Variants in WDR27 observed in about 807,000 individuals in gnomAD.
WDR27 encodes WD repeat-containing protein 27.
In WDR27, 100 loss-of-function variants were observed where a neutral mutation model predicts 114.4. The ratio of observed to expected loss-of-function variants is 0.87; its 90% confidence interval spans 0.74 to 1.03. The LOEUF (loss-of-function observed/expected upper bound fraction) is 1.03, where lower values mean the gene tolerates loss of function less well. Ranked by LOEUF, WDR27 falls within the 50% of genes least tolerant of loss-of-function variation. WDR27 has a pLI of 0.00. For synonymous variants in WDR27, 449 were observed against 423.1 expected (o/e 1.06, Z -0.75); for missense variants, 1,129 against 1,092.9 (o/e 1.03, Z -0.47).
intron 25 of WDR27, among the ~76,000 whole-genome samples, chr6:169,529,321 G>GGC (rs1795321051): frequency 7.1e-6 from 1 of 139,970 alleles, no homozygotes; most frequent in Non-Finnish European, 1.6e-5. Context: ...GCGGGGGGGG[G>GGC]GGGCAGCTAA....
At chr6:169,695,831 T>C (rs573349073) in intron 1 of WDR27, among the ~76,000 whole-genome samples, 2 of 152,238 alleles carry the variant, frequency 1.3e-5, no homozygotes, top group East Asian at 1.9e-4. Context: ...TTAACTAAGC[T>C]AGAGAGAGAA....
At chr6:169,441,218 T>C in the WDR27 span, among the ~76,000 whole-genome samples, 1 of 151,984 alleles carries the variant, frequency 6.6e-6, no homozygotes, top group East Asian at 1.9e-4. Flanking sequence ...TCAAATGCGG[T>C]CTGGGTCCCT....
intron 22 of WDR27, among the ~76,000 whole-genome samples, chr6:169,612,937 T>C (rs1208231112): frequency 6.6e-6 from 1 of 152,234 alleles, no homozygotes; most frequent in African/African-American, 2.4e-5. Flanking sequence ...GTAAGTTTTA[T>C]TATTGCATTC....
At chr6:169,534,233 G>A (rs1562544869) in intron 25 of WDR27, among the ~76,000 whole-genome samples, 1 of 152,210 alleles carries the variant, frequency 6.6e-6, no homozygotes, top group Non-Finnish European at 1.5e-5. Context: ...TTCCGGGGAC[G>A]AATCCCACTT....
Position 169,457,443 on chromosome 6 carries a change from C to T in WDR27, c.*149G>A. 1.7e-6 allele frequency: 1 copy of T among 605,014 alleles called. No individual in the cohort carries two copies. The allele number at this position is 605,014 out of a possible 1,614,324, so 37.5% of individuals were successfully genotyped here. ...ACATGGCACACACAGAGGGGAGGAG[C>T]TTGCAAACGGGGGAAATCTGAGGCA... is the stretch of plus-strand genomic sequence containing the variant. On this transcript the variant is annotated 3_prime_UTR_variant, in exon 26 of 26. Transcript: ENST00000448612.
chr6:169,589,243 T>C (rs999471789), intron 23 of WDR27, among the ~76,000 whole-genome samples: 1 of 152,178 alleles, frequency 6.6e-6, no homozygotes, highest in Non-Finnish European at 1.5e-5. Flanking sequence ...AATGATAAAA[T>C]ACAGAGGTTA....
intron 18 of WDR27, among the ~76,000 whole-genome samples, chr6:169,638,132 A>T (rs992242891): frequency 7.9e-6 from 1 of 126,656 alleles, no homozygotes; most frequent in Non-Finnish European, 1.6e-5. Flanking sequence ...CTGGCTAACA[A>T]GGTGAAACCC....
the WDR27 span, among the ~76,000 whole-genome samples, chr6:169,436,877 C>T: frequency 6.6e-6 from 1 of 151,898 alleles, no homozygotes; most frequent in East Asian, 1.9e-4. Context: ...CCATAAAAAT[C>T]ATTTTTAGAC....
At chr6:169,588,410 CAT>C (rs1232567583) in intron 23 of WDR27, among the ~76,000 whole-genome samples, 13 of 152,232 alleles carry the variant, frequency 8.5e-5, no homozygotes, top group East Asian at 1.9e-4. Flanking sequence ...GCATTCATGA[CAT>C]ATGTTTTTAA....
intron 24 of WDR27, among the ~76,000 whole-genome samples, chr6:169,577,303 C>T (rs116684764): frequency 0.016 from 2,490 of 152,132 alleles, 68 homozygotes; most frequent in African/African-American, 0.057. Flanking sequence ...AGGCCCGCGC[C>T]GAGGAGGGGG....
intron 25 of WDR27, among the ~76,000 whole-genome samples, chr6:169,536,740 C>T (rs1397603033): frequency 1.3e-5 from 2 of 152,092 alleles, no homozygotes; most frequent in African/African-American, 2.4e-5. Flanking sequence ...TAGGACCCAG[C>T]TTTTCCAATC....
intron 22 of WDR27, among the ~76,000 whole-genome samples, chr6:169,604,589 A>T (rs925094046): frequency 6.6e-6 from 1 of 152,190 alleles, no homozygotes; most frequent in Non-Finnish European, 1.5e-5. Flanking sequence ...ATGCTCCCTA[A>T]TTCATTCTAT....
intron 21 of WDR27, among the ~76,000 whole-genome samples, chr6:169,618,283 T>A (rs1217795670): frequency 6.6e-6 from 1 of 152,220 alleles, no homozygotes; most frequent in Non-Finnish European, 1.5e-5. Context: ...AGCTGTCTAG[T>A]ATTATGTATT....
chr6:169,556,179 G>C (rs938339096), intron 25 of WDR27, among the ~76,000 whole-genome samples: 13 of 152,136 alleles, frequency 8.5e-5, no homozygotes, highest in African/African-American at 2.9e-4. Context: ...AGGAGCCTTG[G>C]GGGCCTCAGG....
chr6:169,631,758 A>G (rs971144300), intron 21 of WDR27, among the ~76,000 whole-genome samples: 3 of 152,180 alleles, frequency 2.0e-5, no homozygotes, highest in Non-Finnish European at 2.9e-5. Context: ...TTATCCAGAA[A>G]AGATGCAGGA....
chr6:169,650,036 T>C (rs1162376141), intron 14 of WDR27, among the ~76,000 whole-genome samples: 1 of 131,586 alleles, frequency 7.6e-6, no homozygotes, highest in African/African-American at 2.9e-5. Context: ...CACACATCCA[T>C]CCCTCATCTC....
At chr6:169,590,733 T>C (rs1805571127) in intron 23 of WDR27, among the ~76,000 whole-genome samples, 1 of 152,218 alleles carries the variant, frequency 6.6e-6, no homozygotes, top group African/African-American at 2.4e-5. Context: ...CACTTCCTCT[T>C]GTAAAGACGT....
intron 14 of WDR27, 96 bp downstream of exon 14, chr6:169,651,834 G>A: frequency 9.4e-7 from 1 of 1,066,682 alleles, no homozygotes; most frequent in South Asian, 1.4e-5. Flanking sequence ...TCCATACTGT[G>A]GCCCTCGGGG....
chr6:169,628,309 T>C (rs1443975877), intron 21 of WDR27, among the ~76,000 whole-genome samples: 1 of 152,188 alleles, frequency 6.6e-6, no homozygotes, highest in East Asian at 1.9e-4. Context: ...ACATTTCTGT[T>C]GCTTGTAAAT....
Sources: allele counts gnomAD v4.1 joint callset (sites outside exome capture counted in the v4.1 genomes callset), GRCh38; gene constraint gnomAD v4.1.1; transcripts MANE v1.5; gene names NCBI Gene and HGNC (gene_info 2026-07-23, HGNC 2026-07-21).